DCC: variants seen among roughly 807,000 people sequenced by gnomAD.
The protein encoded by DCC is netrin receptor DCC.
In DCC, 58 loss-of-function variants were observed where a neutral mutation model predicts 172.5. The ratio of observed to expected loss-of-function variants is 0.34; its 90% CI spans 0.27 to 0.42. The LOEUF (loss-of-function observed/expected upper bound fraction) is 0.42. Ranked by LOEUF, DCC falls within the 10% of genes least tolerant of loss-of-function variation. The pLI is 1.00. For missense variants in DCC, 1,740 were observed against 1,791.0 expected, an observed-to-expected ratio of 0.97 and a Z score of 0.51; for synonymous variants, 709 against 644.5, an observed-to-expected ratio of 1.10 and a Z score of -1.52.
chr18:52,502,272 G>T (rs930452688), intron 1 of DCC, among the ~76,000 whole-genome samples: 7 of 152,140 alleles, frequency 4.6e-5, no homozygotes, highest in Non-Finnish European at 8.8e-5. Flanking sequence ...AGAAAAAAAT[G>T]TTCAATCCAC....
Position 53,402,912 on chromosome 18 carries a change from T to C in DCC, c.2935+19T>C, listed in dbSNP as rs1331790410. ...ATTACTGGTAAGCATCTCCACTTTC[T>C]CTCCCAGCATAGCTCTCCCTTGTCC... is the stretch of plus-strand genomic sequence containing the variant. On this transcript the variant is annotated intron_variant, in intron 19 of 28. Transcript: ENST00000442544. The C allele has an allele frequency of 1.2e-5, 18 of 1,528,294 alleles. No homozygotes were observed. Among genetic ancestry groups the C allele is most frequent in the Non-Finnish European group, 1.6e-5 (18 of 1,101,966 alleles). 94.7% of individuals were successfully genotyped at this position (1,528,294 alleles called of 1,614,324 possible).
At chr18:52,573,027 T>C (rs2033336130) in intron 1 of DCC, among the ~76,000 whole-genome samples, 1 of 152,128 alleles carries the variant, frequency 6.6e-6, no homozygotes, top group Admixed American at 6.6e-5. Flanking sequence ...AAAGGCAAAA[T>C]TGAACAGAAA....
At chr18:53,493,496 G>A (rs566790996) in intron 26 of DCC, among the ~76,000 whole-genome samples, 10 of 152,184 alleles carry the variant, frequency 6.6e-5, no homozygotes, top group East Asian at 1.9e-4. Context: ...TTTGAGATAC[G>A]TTCCATGTAT....
chr18:53,328,523 G>GTGT lies in DCC; in HGVS notation c.2164+6381_2164+6383dup, dbSNP rs747857649. Among the ~76,000 whole-genome samples the GTGT allele has an allele frequency of 5.3e-5, 8 of 152,126 alleles. No individual in the cohort carries two copies. The South Asian group carries it at 8.3e-4, about 16-fold the overall frequency. On this transcript the variant is annotated intron_variant, in intron 14 of 28. Coordinates refer to ENST00000442544, the MANE Select transcript of DCC (RefSeq NM_005215.4). ...AAGAAGATCTCAGACTTTGACTGTT[G>GTGT]TGTTGTTGTTGTTGTTGCTGCTGCT... is the stretch of plus-strand genomic sequence containing the variant.
chr18:53,092,241 A>T (rs2043024428), intron 7 of DCC, among the ~76,000 whole-genome samples: 1 of 152,162 alleles, frequency 6.6e-6, no homozygotes, highest in South Asian at 2.1e-4. Flanking sequence ...TAAAGAATTT[A>T]GTGTGCTCTG....
intron 22 of DCC, among the ~76,000 whole-genome samples, chr18:53,438,423 A>G (rs764732308): frequency 6.6e-6 from 1 of 152,244 alleles, no homozygotes; most frequent in Non-Finnish European, 1.5e-5. Context: ...AGATATTGCA[A>G]TTAAAAATAT....
At chr18:52,538,483 A>C (rs953034629) in intron 1 of DCC, among the ~76,000 whole-genome samples, 5 of 152,104 alleles carry the variant, frequency 3.3e-5, no homozygotes, top group South Asian at 2.1e-4. Context: ...TTCAAACTTT[A>C]TTTCTTTCTT....
Position 52,619,278 on chromosome 18 carries a change from G to A in DCC, c.92-132776G>A, listed in dbSNP as rs2034438791. Among the ~76,000 whole-genome samples, 3 of 152,140 alleles carry A rather than the reference G, an allele frequency of 2.0e-5. No individual in the cohort carries two copies. In the South Asian group the frequency reaches 6.2e-4, roughly 32 times the overall value. On this transcript the variant is annotated intron_variant, in intron 1 of 28. Coordinates refer to ENST00000442544, the MANE Select transcript of DCC (RefSeq NM_005215.4). ...TTGTATAAATATGTTTGAAAATTTT[G>A]TTTAGGAAAGATATCTAGCTAGTAT...
intron 2 of DCC, among the ~76,000 whole-genome samples, chr18:52,831,983 C>T (rs1439969226): frequency 6.6e-6 from 1 of 152,078 alleles, no homozygotes; most frequent in Non-Finnish European, 1.5e-5. Context: ...TTTAAAAATC[C>T]CTTAAACACC....
intron 12 of DCC, among the ~76,000 whole-genome samples, chr18:53,298,279 G>A (rs2057090795): frequency 1.3e-5 from 2 of 151,984 alleles, no homozygotes; most frequent in Admixed American, 6.6e-5. Flanking sequence ...GCTCACTCCT[G>A]TAATCCTAGA....
At chr18:52,752,589 T>C (rs1000537676) in intron 2 of DCC, among the ~76,000 whole-genome samples, 11 of 152,198 alleles carry the variant, frequency 7.2e-5, no homozygotes, top group African/African-American at 2.7e-4. Context: ...AATTAACATA[T>C]CTGTCACCAC....
intron 9 of DCC, among the ~76,000 whole-genome samples, chr18:53,184,268 T>G (rs1007623249): frequency 6.6e-6 from 1 of 152,150 alleles, no homozygotes; most frequent in Non-Finnish European, 1.5e-5. Context: ...AATTTTGAAG[T>G]CTTATGAACA....
intron 15 of DCC, among the ~76,000 whole-genome samples, chr18:53,357,338 A>G (rs1359297468): frequency 6.6e-6 from 1 of 152,186 alleles, no homozygotes; most frequent in Non-Finnish European, 1.5e-5. Context: ...TATAACTCCC[A>G]GAGTGCATTC....
At chr18:52,370,181 G>C (rs185456882) in intron 1 of DCC, among the ~76,000 whole-genome samples, 92 of 152,234 alleles carry the variant, frequency 6.0e-4, no homozygotes, top group Non-Finnish European at 4.4e-5. Flanking sequence ...ATTCCTCGAA[G>C]ATCTAGAAGA....
At chr18:52,535,689 A>G (rs1303381768) in intron 1 of DCC, among the ~76,000 whole-genome samples, 2 of 152,212 alleles carry the variant, frequency 1.3e-5, no homozygotes, top group Non-Finnish European at 2.9e-5. Context: ...AAGGGAAACA[A>G]TATTTAAAAA....
chr18:52,580,145 A>G (rs2033510474), intron 1 of DCC, among the ~76,000 whole-genome samples: 1 of 152,214 alleles, frequency 6.6e-6, no homozygotes, highest in Non-Finnish European at 1.5e-5. Context: ...TCAAGAGTGG[A>G]CCATGTGCCT....
At chr18:52,797,628 C>T (rs2037900760) in intron 2 of DCC, among the ~76,000 whole-genome samples, 1 of 152,108 alleles carries the variant, frequency 6.6e-6, no homozygotes. Context: ...TCTTGTGCAC[C>T]AGTTTGGCAG....
At chr18:52,583,703 G>C (rs1356238680) in intron 1 of DCC, among the ~76,000 whole-genome samples, 1 of 152,172 alleles carries the variant, frequency 6.6e-6, no homozygotes, top group Non-Finnish European at 1.5e-5. Context: ...TTAAAGAAAA[G>C]TGAAAAATAA....
At chr18:53,260,889 A>T (rs1315061141) in intron 12 of DCC, among the ~76,000 whole-genome samples, 1 of 152,030 alleles carries the variant, frequency 6.6e-6, no homozygotes, top group Non-Finnish European at 1.5e-5. Context: ...TACCTACTCA[A>T]GCCTCAGCAA....
Sources: gnomAD v4.1 joint callset for allele counts (sites outside exome capture counted in the v4.1 genomes callset) on GRCh38, gnomAD v4.1.1 for gene constraint, MANE v1.5 for transcripts, NCBI Gene and HGNC (gene_info 2026-07-23, HGNC 2026-07-21) for gene names.